Variants in FNIP1 observed in about 807,000 individuals in gnomAD.
FNIP1 encodes folliculin-interacting protein 1.
FNIP1 carries 40 observed loss-of-function variants against 124.5 expected under a neutral mutation model. That is an observed-to-expected ratio of 0.32 (90% CI 0.25 to 0.42). FNIP1 has a LOEUF of 0.42. Ranked by LOEUF, FNIP1 falls within the 10% of genes least tolerant of loss-of-function variation. The pLI is 1.00. For missense variants in FNIP1, 1,176 were observed against 1,403.7 expected, an observed-to-expected ratio of 0.84 and a Z score of 2.59; for synonymous variants, 472 against 470.6, an observed-to-expected ratio of 1.00 and a Z score of -0.04.
At position 131,644,620 on chromosome 5, in the gene FNIP1, A is replaced by G; in HGVS notation, c.*65T>C. The G allele has an allele frequency of 7.4e-7, 1 of 1,355,464 alleles. No homozygotes were observed. The highest frequency in any genetic ancestry group is 1.1e-6 in the Non-Finnish European group (1 of 947,944). 84.0% of individuals were successfully genotyped at this position (1,355,464 alleles called of 1,614,324 possible). ...AGGGAAAAAGAATCTCCATAAATGC[A>G]TGTTGTGTCTGCTTCCTTGGTTTCT... On this transcript the variant is annotated 3_prime_UTR_variant, in exon 18 of 18. Coordinates refer to ENST00000510461, the MANE Select transcript of FNIP1 (RefSeq NM_133372.3).
chr5:131,679,758 C>T (rs556316288), intron 11 of FNIP1, among the ~76,000 whole-genome samples: 1 of 152,336 alleles, frequency 6.6e-6, no homozygotes, highest in South Asian at 2.1e-4. Context: ...AAAAGATTAT[C>T]ACACAATTAG....
chr5:131,707,308 A>G (rs1383037577), intron 8 of FNIP1, among the ~76,000 whole-genome samples: 3 of 152,242 alleles, frequency 2.0e-5, no homozygotes, highest in African/African-American at 7.2e-5. Context: ...AACACTTGCC[A>G]TTAAGGGCTT....
At chr5:131,715,019 C>T (rs1017647771) in intron 6 of FNIP1, among the ~76,000 whole-genome samples, 1 of 152,096 alleles carries the variant, frequency 6.6e-6, no homozygotes. Flanking sequence ...GACACACACA[C>T]AAAAAATCCT....
At chr5:131,683,946 T>C (rs1310370776) in intron 11 of FNIP1, among the ~76,000 whole-genome samples, 1 of 152,236 alleles carries the variant, frequency 6.6e-6, no homozygotes, top group African/African-American at 2.4e-5. Context: ...ATATCTTATT[T>C]GATGCTGTTG....
intron 1 of FNIP1, among the ~76,000 whole-genome samples, chr5:131,769,581 T>G (rs1174407451): frequency 2.0e-5 from 3 of 152,324 alleles, no homozygotes; most frequent in Admixed American, 2.0e-4. Context: ...TCAGATGACA[T>G]ACCAAGAAGT....
intron 1 of FNIP1, among the ~76,000 whole-genome samples, chr5:131,758,068 C>T (rs773486813): frequency 6.6e-6 from 1 of 152,086 alleles, no homozygotes; most frequent in African/African-American, 2.4e-5. Context: ...AATCTATAGA[C>T]ACATGAAATT....
At chr5:131,694,909 A>G (rs1230047740) in intron 11 of FNIP1, among the ~76,000 whole-genome samples, 1 of 152,076 alleles carries the variant, frequency 6.6e-6, no homozygotes, top group East Asian at 1.9e-4. Context: ...GTTTGACACC[A>G]GTCTGGCCAA....
intron 6 of FNIP1, among the ~76,000 whole-genome samples, chr5:131,712,813 C>T (rs551488377): frequency 3.3e-5 from 5 of 152,282 alleles, no homozygotes; most frequent in African/African-American, 1.2e-4. Flanking sequence ...AGTTTGAGAA[C>T]GACTGCTTGC....
chr5:131,759,630 AC>A (rs1771159708), intron 1 of FNIP1, among the ~76,000 whole-genome samples: 1 of 152,190 alleles, frequency 6.6e-6, no homozygotes, highest in South Asian at 2.1e-4. Context: ...AAAAAGGAAC[AC>A]TTATACATTG....
At position 131,779,363 on chromosome 5, in the gene FNIP1, A is replaced by G. The variant is rs557471329; in HGVS notation, c.92+17467T>C. On this transcript the variant is annotated intron_variant, in intron 1 of 17. Transcript: ENST00000510461. ...TCTATTAGTAATTGTTTCAAGATTC[A>G]TATTCAAGGATGTATACATGAAATG... 7.3e-4 allele frequency among the ~76,000 whole-genome samples: 111 copies of G among 152,218 alleles called. 2 individuals carry two copies. The South Asian group carries it at 0.012, about 16-fold the overall frequency.
chr5:131,775,075 C>G (rs1378567239), intron 1 of FNIP1, among the ~76,000 whole-genome samples: 1 of 152,190 alleles, frequency 6.6e-6, no homozygotes, highest in African/African-American at 2.4e-5. Context: ...TCCGAAGTTG[C>G]TAGTTTCACG....
chr5:131,736,089 A>C (rs1163520163), intron 2 of FNIP1, among the ~76,000 whole-genome samples: 1 of 152,152 alleles, frequency 6.6e-6, no homozygotes, highest in Non-Finnish European at 1.5e-5. Flanking sequence ...TATAATTGTT[A>C]TTAGAAAACA....
intron 6 of FNIP1, among the ~76,000 whole-genome samples, chr5:131,713,930 T>C (rs1769384339): frequency 6.6e-6 from 1 of 152,266 alleles, no homozygotes; most frequent in South Asian, 2.1e-4. Context: ...AATCCATTCC[T>C]ACTGCAGTTA....
At chr5:131,785,812 C>T in intron 1 of FNIP1, among the ~76,000 whole-genome samples, 1 of 152,122 alleles carries the variant, frequency 6.6e-6, no homozygotes, top group Non-Finnish European at 1.5e-5. Context: ...TAAGCCCAGC[C>T]TGGGCAGCAA....
At chr5:131,663,835 T>C (rs1767516685) in intron 15 of FNIP1, among the ~76,000 whole-genome samples, 1 of 152,230 alleles carries the variant, frequency 6.6e-6, no homozygotes, top group East Asian at 1.9e-4. Flanking sequence ...CAGTGCAGCA[T>C]GCACTTGAGA....
chr5:131,764,344 G>C (rs1771348519), intron 1 of FNIP1, among the ~76,000 whole-genome samples: 1 of 125,258 alleles, frequency 8.0e-6, no homozygotes. Flanking sequence ...GTCCCACTTT[G>C]TCACCCAGGC....
intron 15 of FNIP1, among the ~76,000 whole-genome samples, chr5:131,665,898 ACTTTTTTT>A (rs1386399238): frequency 2.6e-5 from 3 of 114,766 alleles, no homozygotes; most frequent in African/African-American, 6.2e-5. Context: ...CTAAAATAAT[ACTTTTTTT>A]TTTTTTTTTT....
intron 5 of FNIP1, among the ~76,000 whole-genome samples, chr5:131,716,983 T>C (rs1194933710): frequency 1.3e-5 from 2 of 151,276 alleles, no homozygotes; most frequent in African/African-American, 2.4e-5. Context: ...AAAAAATATA[T>C]ATATATTTTT....
In FNIP1 at chr5:131,670,578, C is replaced by T. The variant is rs755416044; in HGVS notation, c.2993G>A (p.Arg998Lys). ...AVQPNIANFG[R>K]SLLGGYCSSY... ...TGAGCAGTAGCCACCCAGCAAGGAC[C>T]TCCCGAAGTTGGCAATGTTGGGCTG... The change falls in exon 15 of 18, where the codon AGG becomes AAG. Residue 998 changes from arginine to lysine, a missense_variant. By Grantham distance (26) the Arg-to-Lys change is conservative. Coordinates refer to ENST00000510461, the MANE Select transcript of FNIP1 (RefSeq NM_133372.3). 6.2e-7 allele frequency: 1 copy of T among 1,613,502 alleles called. No homozygotes were observed. The highest frequency in any genetic ancestry group is 1.3e-5 in the African/African-American group (1 of 74,818).
Sources: allele counts gnomAD v4.1 joint callset (sites outside exome capture counted in the v4.1 genomes callset), GRCh38; gene constraint gnomAD v4.1.1; transcripts MANE v1.5; gene names NCBI Gene and HGNC (gene_info 2026-07-23, HGNC 2026-07-21).